FMNL3: variants seen among roughly 807,000 people sequenced by gnomAD.
FMNL3 encodes formin like 3, also known as formin-like protein 3.
A neutral mutation model predicts 119.6 loss-of-function variants in FMNL3; 57 were observed. The ratio of observed to expected loss-of-function variants is 0.48; its 90% CI spans 0.39 to 0.59. The LOEUF (loss-of-function observed/expected upper bound fraction) is 0.59, where lower values mean the gene tolerates loss of function less well. Among genes scored for constraint, FMNL3 ranks in the 20% least tolerant of loss-of-function variants. The pLI, the probability that FMNL3 is intolerant of heterozygous loss-of-function variation, is 0.00. For missense variants in FMNL3, 1,053 were observed against 1,323.5 expected (o/e 0.80, Z 3.17); for synonymous variants, 491 against 507.3 (o/e 0.97, Z 0.43).
At chr12:49,688,293 C>T (rs1440301367) in intron 1 of FMNL3, among the ~76,000 whole-genome samples, 4 of 152,218 alleles carry the variant, frequency 2.6e-5, no homozygotes, top group Non-Finnish European at 5.9e-5. Context: ...GGCCAAACTG[C>T]TGCCCATAAG....
chr12:49,697,782 G>A (rs1347509199), intron 1 of FMNL3, among the ~76,000 whole-genome samples: 1 of 151,916 alleles, frequency 6.6e-6, no homozygotes, highest in Non-Finnish European at 1.5e-5. Context: ...TGTAGGATAG[G>A]TATTATCCTC....
At chr12:49,688,605 TG>T in intron 1 of FMNL3, 1 of 442,244 alleles carries the variant, frequency 2.3e-6, no homozygotes, top group Admixed American at 2.5e-5. Context: ...ATAGCTATGA[TG>T]ATGGCTTGTG....
At chr12:49,658,633 C>T (rs766424226) in intron 5 of FMNL3, 39 bp from the exon 6 acceptor site, 7 of 1,544,624 alleles carry the variant, frequency 4.5e-6, no homozygotes, top group Non-Finnish European at 6.1e-6. Context: ...TACACAGGCA[C>T]ATACACAGGA....
chr12:49,653,812 C>A lies in FMNL3; in HGVS notation c.1134G>T (p.Val378=). ...CCTCCAACAAACCCCCGACATCAAACACGTTGTCCAGATATGCCTGAATCT... is the reference window on the plus strand; with the variant it reads ...CCTCCAACAAACCCCCGACATCAAAAACGTTGTCCAGATATGCCTGAATCT... ...QVQIQAYLDN[V]FDVGGLLEDA... The change falls in exon 12 of 26, where the codon GTG becomes GTT. Residue 378 remains valine (V), a synonymous_variant. Coordinates refer to ENST00000335154, the MANE Select transcript of FMNL3 (RefSeq NM_175736.5). 2 of 1,614,242 alleles carry A rather than the reference C, an allele frequency of 1.2e-6. No homozygotes were observed. Among genetic ancestry groups the A allele is most frequent in the Non-Finnish European group, 1.7e-6 (2 of 1,180,046 alleles).
At chr12:49,665,408 T>G (rs1943862267) in intron 4 of FMNL3, among the ~76,000 whole-genome samples, 1 of 152,138 alleles carries the variant, frequency 6.6e-6, no homozygotes, top group Non-Finnish European at 1.5e-5. Flanking sequence ...GCAAATAAAC[T>G]TCCAGGCACC....
At position 49,693,635 on chromosome 12, in the gene FMNL3, G is replaced by GTTTTTTTTTTTTTTTTTTT. The variant is rs1565896489; in HGVS notation, c.126+13419_126+13420insAAAAAAAAAAAAAAAAAAA. On this transcript the variant is annotated intron_variant, in intron 1 of 25. Transcript: ENST00000335154. ...CCACCCGCCTCAGCCTCCCAATCTTGGTTTTTTTTTTTTTTTTTTTTTTTT... is the reference window on the plus strand; with the variant it reads ...CCACCCGCCTCAGCCTCCCAATCTTGTTTTTTTTTTTTTTTTTTTGTTTTTTTTTTTTTTTTTTTTTTTT... Among the ~76,000 whole-genome samples, 177 of 21,242 alleles carry GTTTTTTTTTTTTTTTTTTT rather than the reference G, an allele frequency of 8.3e-3. 79 individuals carry two copies. Among genetic ancestry groups the GTTTTTTTTTTTTTTTTTTT allele is most frequent in the Non-Finnish European group, 0.012 (106 of 8,570 alleles). The allele number at this position is 21,242 out of a possible 152,430, so 13.9% of individuals were successfully genotyped here.
rs781138383 is a variant in FMNL3, at chr12:49,643,953, A to G, written c.*1862T>C. 1 of 1,614,190 alleles carries G rather than the reference A, an allele frequency of 6.2e-7. No homozygotes were observed. ...AACAGGACAAGGACAGGGAGCTCCAACAGGCAGAGCTCCCTAACCGTTCCC... is the reference window on the plus strand; with the variant it reads ...AACAGGACAAGGACAGGGAGCTCCAGCAGGCAGAGCTCCCTAACCGTTCCC... On this transcript the variant is annotated 3_prime_UTR_variant, in exon 26 of 26. Transcript: ENST00000335154.
At position 49,645,848 on chromosome 12, in the gene FMNL3, G is replaced by A. The variant is rs1197628978; in HGVS notation, c.3051C>T (p.Pro1017=). 1 of 1,607,930 alleles carries A rather than the reference G, an allele frequency of 6.2e-7. No individual in the cohort carries two copies. The highest frequency in any genetic ancestry group is 8.5e-7 in the Non-Finnish European group (1 of 1,177,908). The change falls in exon 26 of 26, where the codon CCC becomes CCT. Residue 1017 remains proline, a synonymous_variant. Coordinates refer to ENST00000335154, the MANE Select transcript of FMNL3 (RefSeq NM_175736.5). ...VRHQARSAAP[P]SGPPRAPGPH ...GGCCTGGAGCCCGAGGGGGACCACT[G>A]GGCGGTGCAGCACTCCTGGCTTGGT...
rs537874857 is a variant in FMNL3 at position 49,693,359 on chromosome 12, GTGTT to G, written c.126+13692_126+13695del. ...ATACATATAGAGAGAGACAGTTTTT[GTGTT>G]TGTTTGTTTTTTCACTTTTTGTTGT... On this transcript the variant is annotated intron_variant, in intron 1 of 25. Transcript: ENST00000335154. Among the ~76,000 whole-genome samples the G allele has an allele frequency of 2.6e-3, 400 of 151,774 alleles. 2 individuals are homozygous for G. The highest frequency in any genetic ancestry group is 5.9e-3 in the African/African-American group (244 of 41,402).
Position 49,644,637 on chromosome 12 carries a change from G to A in FMNL3, c.*1178C>T, listed in dbSNP as rs921610484. On this transcript the variant is annotated 3_prime_UTR_variant, in exon 26 of 26. Transcript: ENST00000335154. ...CTAATGTACGTGTGTTTTGTTTTTT[G>A]TTTTTTAAATAACAATATTTATAAC... 5.4e-6 allele frequency: 1 copy of A among 185,858 alleles called. No homozygotes were observed. The highest frequency in any genetic ancestry group is 2.3e-5 in the African/African-American group (1 of 42,680). The allele number at this position is 185,858 out of a possible 1,614,324, so 11.5% of individuals were successfully genotyped here.
chr12:49,673,057 A>G (rs927003013), intron 1 of FMNL3, among the ~76,000 whole-genome samples: 9 of 152,192 alleles, frequency 5.9e-5, no homozygotes, highest in African/African-American at 2.2e-4. Flanking sequence ...AGGTAGTTTT[A>G]TTAATGTTTT....
rs997590671 is a variant in FMNL3, at chr12:49,642,828, T to C, written c.*2987A>G. Reference sequence around the variant, plus strand: ...AGGATCCCTGGGATAGGCAGAAGGCTCTAGTCTGAGAAAGGGAGGCAAAGC... The same window carrying C: ...AGGATCCCTGGGATAGGCAGAAGGCCCTAGTCTGAGAAAGGGAGGCAAAGC... On this transcript the variant is annotated 3_prime_UTR_variant, in exon 26 of 26. Transcript: ENST00000335154. This position sits in a 1 kb window ranked among gnomAD's most constrained non-coding sequence, Gnocchi z 5.8. 2.1e-6 allele frequency: 3 copies of C among 1,446,414 alleles called. No individual in the cohort carries two copies. The African/African-American group carries it at 4.2e-5, about 20-fold the overall frequency. The allele number at this position is 1,446,414 out of a possible 1,614,324, so 89.6% of individuals were successfully genotyped here.
chr12:49,656,174 CTAGCTGAGGGTATCTT>C (rs1303216298), intron 9 of FMNL3, among the ~76,000 whole-genome samples: 3 of 152,018 alleles, frequency 2.0e-5, no homozygotes, highest in Non-Finnish European at 4.4e-5. Flanking sequence ...TAGCCCTCAG[CTAGCTGAGGGTATCTT>C]TAGCTGGCCA....
At position 49,647,797 on chromosome 12, in the gene FMNL3, T is replaced by TA. The variant is rs778581593; in HGVS notation, c.2683dup (p.Tyr895LeufsTer39). ...GCCAAAGTAGCGCACAACTGCATTG[T>TA]AGGCCTCCTGGGGAAGGGGTGGGCA... On this transcript the variant is annotated frameshift_variant, in exon 23 of 26. Transcript: ENST00000335154. LOFTEE classifies it high-confidence loss of function. The surrounding 1 kb of genome is among the most constrained non-coding windows in gnomAD (Gnocchi z 4.9). The TA allele has an allele frequency of 1.2e-6, 2 of 1,613,804 alleles. No individual in the cohort carries two copies. Among genetic ancestry groups the TA allele is most frequent in the Non-Finnish European group, 1.7e-6 (2 of 1,179,732 alleles).
rs1943330847 is a variant in FMNL3 at position 49,649,617 on chromosome 12, G to T, written c.2235+74C>A. 2 of 1,610,584 alleles carry T rather than the reference G, an allele frequency of 1.2e-6. No homozygotes were observed. The highest frequency in any genetic ancestry group is 3.3e-5 in the Admixed American group (2 of 60,002). On this transcript the variant is annotated intron_variant, in intron 18 of 25. Coordinates refer to ENST00000335154, the MANE Select transcript of FMNL3 (RefSeq NM_175736.5). This position sits in a 1 kb window ranked among gnomAD's most constrained non-coding sequence, Gnocchi z 5.6. The stretch of plus-strand genomic sequence containing the variant: ...AGGGAGGGGTCAGAAGGACTGGAAG[G>T]GCAGGGGAGGTGACTAGCAGATGGA...
intron 1 of FMNL3, among the ~76,000 whole-genome samples, chr12:49,677,449 T>G (rs1944221025): frequency 6.6e-6 from 1 of 152,216 alleles, no homozygotes; most frequent in East Asian, 1.9e-4. Flanking sequence ...CTCAGTTTCC[T>G]CACCTGTAAA....
chr12:49,652,001 G>C lies in FMNL3; in HGVS notation c.1535C>G (p.Pro512Arg). The C allele has an allele frequency of 6.2e-7, 1 of 1,606,690 alleles. No homozygotes were observed. The change falls in exon 14 of 26, where the codon CCT becomes CGT. Residue 512 changes from proline to arginine, a missense_variant. Physicochemically the swap from Pro to Arg is moderately radical, Grantham distance 103. Coordinates refer to ENST00000335154, the MANE Select transcript of FMNL3 (RefSeq NM_175736.5). ...DLDLLAPAPP[P>R]EEVLPLPPPP... Reference sequence around the variant, plus strand: ...TGGAGGAAGAGGCAGGACCTCCTCAGGGGGTGGGGCTGGAGCCAGAAGGTC... The same window carrying C: ...TGGAGGAAGAGGCAGGACCTCCTCACGGGGTGGGGCTGGAGCCAGAAGGTC...
intron 1 of FMNL3, 69 bp downstream of exon 1, chr12:49,706,986 A>G (rs2139089690): frequency 2.0e-6 from 3 of 1,518,104 alleles, no homozygotes; most frequent in Non-Finnish European, 2.7e-6. Context: ...GGCCCAGCAC[A>G]AAGTCCCAGC....
chr12:49,642,255 A>G lies in FMNL3; in HGVS notation c.*3560T>C, dbSNP rs1942776474. On this transcript the variant is annotated 3_prime_UTR_variant, in exon 26 of 26. Transcript: ENST00000335154. The surrounding 1 kb of genome is among the most constrained non-coding windows in gnomAD (Gnocchi z 5.8). The stretch of plus-strand genomic sequence containing the variant: ...CTCAGCTGCTGGAGAAAGCAGAGGC[A>G]CGGGAGAGGGAGCGGGAGAAGGAGG... 2 of 1,614,162 alleles carry G rather than the reference A, an allele frequency of 1.2e-6. No individual in the cohort carries two copies. Among genetic ancestry groups the G allele is most frequent in the Admixed American group, 1.7e-5 (1 of 60,032 alleles).
Sources: allele counts gnomAD v4.1 joint callset (sites outside exome capture counted in the v4.1 genomes callset), GRCh38; gene constraint gnomAD v4.1.1; non-coding constraint Gnocchi (gnomAD v3.1); transcripts MANE v1.5; gene names NCBI Gene and HGNC (gene_info 2026-07-23, HGNC 2026-07-21).